ZRANB2: variants seen among roughly 807,000 people sequenced by gnomAD.
ZRANB2 encodes the protein zinc finger Ran-binding domain-containing protein 2.
ZRANB2 carries 19 observed loss-of-function variants against 53.4 expected under a neutral mutation model. That is an observed-to-expected ratio of 0.36 (90% CI 0.25 to 0.52). The LOEUF (loss-of-function observed/expected upper bound fraction) is 0.52. Among genes scored for constraint, ZRANB2 ranks in the 20% least tolerant of loss-of-function variants. The pLI, the probability that ZRANB2 is intolerant of heterozygous loss-of-function variation, is 0.93. For synonymous variants in ZRANB2, 145 were observed against 134.8 expected (o/e 1.08, Z -0.52); for missense variants, 309 against 401.1 (o/e 0.77, Z 1.96).
intron 4 of ZRANB2, among the ~76,000 whole-genome samples, chr1:71,075,917 G>A (rs1333866107): frequency 6.8e-6 from 1 of 147,188 alleles, no homozygotes; most frequent in Admixed American, 6.8e-5. Context: ...GGTGGGGGGG[G>A]ATAAAAGTAG....
chr1:71,075,372 A>G (rs1322002867), intron 4 of ZRANB2, among the ~76,000 whole-genome samples: 1 of 152,180 alleles, frequency 6.6e-6, no homozygotes, highest in African/African-American at 2.4e-5. Context: ...AATCATGAGA[A>G]AGAGATCATT....
In ZRANB2 at chr1:71,065,028, C is replaced by A; in HGVS notation, c.*46G>T. ...AGACACCAACTTCTTTAAAAATATG[C>A]TTCATGCACTGTACTGGATTTTTTT... On this transcript the variant is annotated 3_prime_UTR_variant, in exon 10 of 10. Coordinates refer to ENST00000370920, the MANE Select transcript of ZRANB2 (RefSeq NM_203350.3). 7.1e-7 allele frequency: 1 copy of A among 1,407,062 alleles called. No individual in the cohort carries two copies. Among genetic ancestry groups the A allele is most frequent in the Non-Finnish European group, 9.9e-7 (1 of 1,006,444 alleles). The allele number at this position is 1,407,062 out of a possible 1,614,324, so 87.2% of individuals were successfully genotyped here.
At chr1:71,072,290 G>T in intron 5 of ZRANB2, 35 bp from the exon 6 acceptor site, 1 of 1,571,740 alleles carries the variant, frequency 6.4e-7, no homozygotes, top group Non-Finnish European at 8.6e-7. Context: ...CTTGTCAGCT[G>T]ATAATGCATT....
At chr1:71,065,956 A>C (rs556415826) in intron 9 of ZRANB2, 123 of 634,608 alleles carry the variant, frequency 1.9e-4, no homozygotes, top group Non-Finnish European at 2.6e-4. Context: ...CAAAATGTGA[A>C]GAAGCAAAAC....
intron 8 of ZRANB2, among the ~76,000 whole-genome samples, 195 bp downstream of exon 8, chr1:71,069,081 G>A (rs569568580): frequency 6.6e-6 from 1 of 152,026 alleles, no homozygotes; most frequent in African/African-American, 2.4e-5. Context: ...TCAATCATGG[G>A]AATGTCTTGG....
intron 4 of ZRANB2, among the ~76,000 whole-genome samples, chr1:71,075,464 T>C (rs1282306361): frequency 6.6e-6 from 1 of 152,090 alleles, no homozygotes; most frequent in Non-Finnish European, 1.5e-5. Flanking sequence ...CAATGTTGAA[T>C]AGGCAGCTGG....
Position 71,063,777 on chromosome 1 carries a change from T to C in ZRANB2, c.*1297A>G, listed in dbSNP as rs899642133. On this transcript the variant is annotated 3_prime_UTR_variant, in exon 10 of 10. Transcript: ENST00000370920. The stretch of plus-strand genomic sequence containing the variant: ...ACATTCACTTTAAAGTAAAAACATA[T>C]ATTTTTGTTTGGTTTGTCTATGAAA... The C allele has an allele frequency of 2.6e-5, 4 of 152,396 alleles. No individual in the cohort carries two copies. Among genetic ancestry groups the C allele is most frequent in the African/African-American group, 4.8e-5 (2 of 41,440 alleles). 9.4% of individuals were successfully genotyped at this position (152,396 alleles called of 1,614,324 possible). A position where few individuals can be genotyped will look rare whatever the true frequency, so the allele number is the denominator to read the frequency against.
At chr1:71,077,756 T>C (rs1320107817) in intron 3 of ZRANB2, among the ~76,000 whole-genome samples, 1 of 152,104 alleles carries the variant, frequency 6.6e-6, no homozygotes, top group Admixed American at 6.5e-5. Flanking sequence ...CTAAGGAGGC[T>C]GAAGTGAGAG....
chr1:71,074,073 C>T (rs1661654672), intron 4 of ZRANB2, among the ~76,000 whole-genome samples: 1 of 152,080 alleles, frequency 6.6e-6, no homozygotes, highest in African/African-American at 2.4e-5. Context: ...ATTACTTCTC[C>T]ACAAACAGAA....
At chr1:71,073,154 TA>T (rs1466265805) in intron 4 of ZRANB2, among the ~76,000 whole-genome samples, 2 of 152,094 alleles carry the variant, frequency 1.3e-5, no homozygotes, top group Non-Finnish European at 2.9e-5. Flanking sequence ...ATGATTCTAT[TA>T]AAAAGTAGTT....
Position 71,079,197 on chromosome 1 carries a change from C to G in ZRANB2, c.57-489G>C, listed in dbSNP as rs2101053084. On this transcript the variant is annotated intron_variant, in intron 1 of 9. Transcript: ENST00000370920. ...AAGGAACCAAATATGATAGGTTGTA[C>G]TGACTAAAAATACAAAAAGATTCAA... Among the ~76,000 whole-genome samples, 2 of 152,018 alleles carry G rather than the reference C, an allele frequency of 1.3e-5. 1 individual carries two copies. Among genetic ancestry groups the G allele is most frequent in the South Asian group, 4.2e-4 (2 of 4,814 alleles).
chr1:71,077,560 A>C (rs961557626), intron 3 of ZRANB2, among the ~76,000 whole-genome samples: 1 of 152,128 alleles, frequency 6.6e-6, no homozygotes, highest in Non-Finnish European at 1.5e-5. Context: ...TTTATTTAAG[A>C]CTCTAGGGTC....
In ZRANB2 at chr1:71,064,969, C is replaced by T. The variant is rs1413683161; in HGVS notation, c.*105G>A. ...TTGAAAAGCAATGAAAGGCATGCAC[C>T]TCTACTAGCAGATTTAGCACTTCTG... On this transcript the variant is annotated 3_prime_UTR_variant, in exon 10 of 10. Transcript: ENST00000370920. 7 of 660,846 alleles carry T rather than the reference C, an allele frequency of 1.1e-5. No homozygotes were observed. The highest frequency in any genetic ancestry group is 1.8e-5 in the Non-Finnish European group (7 of 384,772). The allele number at this position is 660,846 out of a possible 1,614,324, so 40.9% of individuals were successfully genotyped here.
Position 71,064,867 on chromosome 1 carries a change from A to G in ZRANB2, c.*207T>C, listed in dbSNP as rs546434261. 1.1e-4 allele frequency: 46 copies of G among 435,930 alleles called. 1 individual carries two copies. The Middle Eastern group carries it at 2.4e-3, about 23-fold the overall frequency. 27.0% of individuals were successfully genotyped at this position (435,930 alleles called of 1,614,324 possible). On this transcript the variant is annotated 3_prime_UTR_variant, in exon 10 of 10. Transcript: ENST00000370920. Reference sequence around the variant, plus strand: ...CAAATGGTTGTAAATAATGAATGACAGAACATCTATTTTGGGACATTATGG... The same window carrying G: ...CAAATGGTTGTAAATAATGAATGACGGAACATCTATTTTGGGACATTATGG...
chr1:71,080,622 T>C (rs2101054620), intron 1 of ZRANB2, among the ~76,000 whole-genome samples: 1 of 130,438 alleles, frequency 7.7e-6, no homozygotes, highest in East Asian at 2.7e-4. Flanking sequence ...ACTGGAGAGG[T>C]TTCCTATCGC....
At chr1:71,072,829 C>CT (rs1661624170) in intron 4 of ZRANB2, among the ~76,000 whole-genome samples, 4 of 152,100 alleles carry the variant, frequency 2.6e-5, no homozygotes, top group African/African-American at 9.7e-5. Flanking sequence ...ACATCTCAAA[C>CT]TTCTGCTATA....
At chr1:71,079,315 A>T (rs1295337264) in intron 1 of ZRANB2, among the ~76,000 whole-genome samples, 1 of 152,292 alleles carries the variant, frequency 6.6e-6, no homozygotes, top group East Asian at 1.9e-4. Context: ...CAATAATCTC[A>T]ACACATGTAG....
At chr1:71,078,880 T>C (rs1379368514) in intron 1 of ZRANB2, among the ~76,000 whole-genome samples, 172 bp from the exon 2 acceptor site, 1 of 152,182 alleles carries the variant, frequency 6.6e-6, no homozygotes, top group Non-Finnish European at 1.5e-5. Context: ...AAATACTTGA[T>C]TGGAGCCACA....
intron 6 of ZRANB2, 115 bp from the exon 7 acceptor site, chr1:71,071,111 CA>C: frequency 1.2e-6 from 1 of 838,742 alleles, no homozygotes; most frequent in Non-Finnish European, 1.7e-6. Context: ...GGTATCTCAG[CA>C]AATTAATTCT....
Sources: gnomAD v4.1 joint callset for allele counts (sites outside exome capture counted in the v4.1 genomes callset) on GRCh38, gnomAD v4.1.1 for gene constraint, MANE v1.5 for transcripts, NCBI Gene and HGNC (gene_info 2026-07-23, HGNC 2026-07-21) for gene names.